L2HGDH: variants seen among roughly 807,000 people sequenced by gnomAD.
The protein encoded by L2HGDH is L-2-hydroxyglutarate dehydrogenase, mitochondrial.
Under a neutral mutation model 51.5 loss-of-function variants are expected in L2HGDH, and 34 were observed. The ratio of observed to expected loss-of-function variants is 0.66; its 90% confidence interval spans 0.50 to 0.88. The LOEUF (loss-of-function observed/expected upper bound fraction) is 0.88, where lower values mean the gene tolerates loss of function less well. L2HGDH is among the 40% of genes least tolerant of loss of function. The pLI, the probability that L2HGDH is intolerant of heterozygous loss-of-function variation, is 0.00. For missense variants in L2HGDH, 558 were observed against 571.9 expected (o/e 0.98, Z 0.25); for synonymous variants, 198 against 197.9 (o/e 1.00, Z -0.01).
chr14:50,303,636 G>A (rs1287894117), intron 1 of L2HGDH, among the ~76,000 whole-genome samples: 1 of 151,556 alleles, frequency 6.6e-6, no homozygotes, highest in East Asian at 1.9e-4. Flanking sequence ...AATTAGCTGG[G>A]TGTGGTGGCA....
At chr14:50,303,990 G>C (rs2030581988) in intron 1 of L2HGDH, among the ~76,000 whole-genome samples, 1 of 152,082 alleles carries the variant, frequency 6.6e-6, no homozygotes, top group East Asian at 1.9e-4. Flanking sequence ...ATAGGGTTAG[G>C]TTCTAAGAAA....
intron 1 of L2HGDH, among the ~76,000 whole-genome samples, chr14:50,309,162 T>C (rs555985854): frequency 5.9e-5 from 9 of 152,342 alleles, no homozygotes; most frequent in African/African-American, 2.2e-4. Context: ...TTTGATGAAG[T>C]CCATTTTGTC....
chr14:50,257,135 G>A (rs1174205510), intron 9 of L2HGDH, among the ~76,000 whole-genome samples: 1 of 152,056 alleles, frequency 6.6e-6, no homozygotes, highest in Non-Finnish European at 1.5e-5. Flanking sequence ...TGCCATGTTG[G>A]CTAGGCTGAT....
chr14:50,247,062 A>T lies in L2HGDH; in HGVS notation c.1388T>A (p.Leu463Ter). ...ATACCTAGCTCCTTTCATTATTTAT[A>T]ATTCAAATCTTTGTTGTACTTCATC... ...IADEVQQRFE[L>*] Residue 463 changes from leucine to a stop codon, truncating the protein, a stop_gained, in exon 10 of 10, where the codon TTA becomes TAA. Coordinates refer to ENST00000267436, the MANE Select transcript of L2HGDH (RefSeq NM_024884.3). LOFTEE classifies it high-confidence loss of function. 1 of 1,612,936 alleles carries T rather than the reference A, an allele frequency of 6.2e-7. No homozygotes were observed. Among genetic ancestry groups the T allele is most frequent in the Non-Finnish European group, 8.5e-7 (1 of 1,179,176 alleles).
rs777597546 is a variant in L2HGDH at position 50,269,167 on chromosome 14, T to A, written c.902A>T (p.Tyr301Phe). ...EKCYLVKGNI[Y>F]PVPDSRFPFL... is the part of the protein sequence containing the mutation. ...GTAGGAAGCATCATTACCTACCGGA[T>A]AAATATTTCCTTTTACAAGATAACA... is the stretch of plus-strand genomic sequence containing the variant. The change falls in exon 7 of 10, where the codon TAT (tyrosine) becomes TTT (phenylalanine). Residue 301 changes from tyrosine to phenylalanine, a missense_variant. By Grantham distance (22) the Tyr-to-Phe change is conservative. This residue lies in a region of L2HGDH where 321 missense variants were observed against 311.8 expected (regional missense o/e 1.03). Transcript: ENST00000267436. 3.2e-6 allele frequency: 5 copies of A among 1,569,330 alleles called. No homozygotes were observed. The Admixed American group carries it at 6.8e-5, about 21-fold the overall frequency.
intron 3 of L2HGDH, among the ~76,000 whole-genome samples, chr14:50,297,934 CA>C (rs57169909): frequency 0.51 from 75,247 of 148,148 alleles, 19,041 homozygotes; most frequent in East Asian, 0.65. Context: ...GATCCTAACT[CA>C]AAAAAAAAAA....
chr14:50,247,143 C>T lies in L2HGDH; in HGVS notation c.1307G>A (p.Arg436Lys), dbSNP rs1252838851. ...AGTAGCAGCAGGAGAAGGTGCATTT[C>T]TCACATGAAGAATGCGATTTCCAAT... ...GDIGNRILHV[R>K]NAPSPAATSS... The change falls in exon 10 of 10, where the codon AGA (arginine) becomes AAA (lysine). Residue 436 changes from arginine (R) to lysine (K), a missense_variant. Arg to Lys is a conservative substitution (Grantham distance 26). This residue lies in a region of L2HGDH where 321 missense variants were observed against 311.8 expected (regional missense o/e 1.03). Transcript: ENST00000267436. The T allele has an allele frequency of 6.2e-7, 1 of 1,614,098 alleles. No homozygotes were observed. The highest frequency in any genetic ancestry group is 2.2e-5 in the East Asian group (1 of 44,882).
chr14:50,289,325 A>G (rs1001163424), intron 4 of L2HGDH, among the ~76,000 whole-genome samples: 9 of 152,204 alleles, frequency 5.9e-5, no homozygotes, highest in African/African-American at 2.2e-4. Flanking sequence ...TAAATGTAAC[A>G]CATCAGGAAA....
intron 4 of L2HGDH, chr14:50,293,097 A>G (rs1159915158): frequency 3.2e-6 from 2 of 628,454 alleles, no homozygotes; most frequent in East Asian, 5.6e-5. Flanking sequence ...TGGGTGACAG[A>G]GTAAGAACCC....
At chr14:50,309,741 G>A (rs934685387) in intron 1 of L2HGDH, among the ~76,000 whole-genome samples, 22 of 150,630 alleles carry the variant, frequency 1.5e-4, no homozygotes, top group South Asian at 4.2e-4. Context: ...TCAGCGCGGC[G>A]GTGTAATCAC....
rs2030495756 is a variant in L2HGDH at position 50,302,883 on chromosome 14, A to G, written c.256+19T>C. The G allele has an allele frequency of 6.6e-7, 1 of 1,516,794 alleles. No homozygotes were observed. The highest frequency in any genetic ancestry group is 1.4e-5 in the African/African-American group (1 of 73,038). 94.0% of individuals were successfully genotyped at this position (1,516,794 alleles called of 1,614,324 possible). On this transcript the variant is annotated intron_variant, in intron 2 of 9. Coordinates refer to ENST00000267436, the MANE Select transcript of L2HGDH (RefSeq NM_024884.3). ...GATGCCCAAGTAAGCCCAAAGAACA[A>G]CATTGATTATATACATACCTAAATC...
chr14:50,247,992 G>T (rs868777900), intron 9 of L2HGDH, among the ~76,000 whole-genome samples: 1 of 151,826 alleles, frequency 6.6e-6, no homozygotes, highest in African/African-American at 2.4e-5. Flanking sequence ...TAGAGACAAG[G>T]TTTCCCTACG....
At chr14:50,269,424 G>T in intron 6 of L2HGDH, 94 bp from the exon 7 acceptor site, 1 of 1,242,014 alleles carries the variant, frequency 8.1e-7, no homozygotes, top group Middle Eastern at 2.1e-4. Flanking sequence ...AAAAGGTACA[G>T]AAATAGAATT....
At position 50,302,605 on chromosome 14, in the gene L2HGDH, A is replaced by G. The variant is rs560158335; in HGVS notation, c.256+297T>C. On this transcript the variant is annotated intron_variant, in intron 2 of 9. Coordinates refer to ENST00000267436, the MANE Select transcript of L2HGDH (RefSeq NM_024884.3). ...GAGGCTCCGGTGGAATCAAGCTCAC[A>G]GCCACAATCTTGATGTGTTCTCATG... Among the ~76,000 whole-genome samples the G allele has an allele frequency of 2.6e-5, 4 of 152,312 alleles. No homozygotes were observed. In the South Asian group the frequency reaches 8.3e-4, roughly 32 times the overall value.
chr14:50,284,587 G>C (rs949538882), intron 4 of L2HGDH, among the ~76,000 whole-genome samples: 5 of 152,014 alleles, frequency 3.3e-5, no homozygotes, highest in Non-Finnish European at 7.4e-5. Context: ...TATTTTTTTA[G>C]AATAAATGTT....
chr14:50,297,084 A>G (rs554247587), intron 3 of L2HGDH, among the ~76,000 whole-genome samples: 1 of 152,212 alleles, frequency 6.6e-6, no homozygotes, highest in Non-Finnish European at 1.5e-5. Context: ...GATAGAAAAC[A>G]TTCAACAAAC....
chr14:50,303,677 T>C (rs1260350510), intron 1 of L2HGDH, among the ~76,000 whole-genome samples: 1 of 150,460 alleles, frequency 6.6e-6, no homozygotes, highest in Non-Finnish European at 1.5e-5. Flanking sequence ...CTCGGGAGGC[T>C]AAGGCTGGAG....
chr14:50,294,243 T>C lies in L2HGDH; in HGVS notation c.412A>G (p.Ile138Val), dbSNP rs1290598116. ...ATTTCTTCTTGTTCAACAGCTACTA[T>C]AAGCTTCAAAAAAAAAAAGGTAAGG... ...GISYKQCGKL[I>V]VAVEQEEIPR... is the part of the protein sequence containing the mutation. The change falls in exon 4 of 10, where the codon ATA becomes GTA. Residue 138 changes from isoleucine to valine, a missense_variant. Physicochemically the swap from Ile to Val is conservative, Grantham distance 29. This residue lies in a region of L2HGDH where 194 missense variants were observed against 187.2 expected (regional missense o/e 1.04). Coordinates refer to ENST00000267436, the MANE Select transcript of L2HGDH (RefSeq NM_024884.3). 3 of 1,607,814 alleles carry C rather than the reference T, an allele frequency of 1.9e-6. No individual in the cohort carries two copies. The highest frequency in any genetic ancestry group is 2.5e-6 in the Non-Finnish European group (3 of 1,178,092).
chr14:50,262,059 A>C (rs1055030102), intron 9 of L2HGDH, among the ~76,000 whole-genome samples: 1 of 152,196 alleles, frequency 6.6e-6, no homozygotes, highest in Admixed American at 6.6e-5. Flanking sequence ...TCACTGCAAT[A>C]CTAAGGGCAT....
Sources: gnomAD v4.1 joint callset for allele counts (sites outside exome capture counted in the v4.1 genomes callset) on GRCh38, gnomAD v4.1.1 for gene constraint, gnomAD v4.1.1 regional missense constraint, MANE v1.5 for transcripts, NCBI Gene and HGNC (gene_info 2026-07-23, HGNC 2026-07-21) for gene names.